EFCAB6: variants seen among roughly 807,000 people sequenced by gnomAD.
The protein encoded by EFCAB6 is EF-hand calcium binding domain 6, also known as EF-hand calcium-binding domain-containing protein 6.
Under a neutral mutation model 169.8 loss-of-function variants are expected in EFCAB6, and 156 were observed. The observed-to-expected ratio is 0.92, with a 90% CI of 0.81 to 1.05. The LOEUF is 1.05. Among genes scored for constraint, EFCAB6 ranks in the 50% least tolerant of loss-of-function variants. EFCAB6 has a pLI of 0.00. For synonymous variants in EFCAB6, 698 were observed against 676.4 expected, an observed-to-expected ratio of 1.03 and a Z score of -0.50; for missense variants, 1,800 against 1,829.1, an observed-to-expected ratio of 0.98 and a Z score of 0.29.
chr22:43,540,441 G>A (rs764486644), intron 27 of EFCAB6, 84 bp from the exon 28 acceptor site: 3 of 1,594,892 alleles, frequency 1.9e-6, no homozygotes, highest in South Asian at 2.2e-5. Flanking sequence ...AGTGGGACAG[G>A]CCGGCCTCGC....
intron 19 of EFCAB6, among the ~76,000 whole-genome samples, chr22:43,630,520 G>C (rs1228382948): frequency 6.6e-6 from 1 of 152,218 alleles, no homozygotes; most frequent in Admixed American, 6.5e-5. Context: ...CGCGAGGAGT[G>C]TGTGAGGAAG....
intron 21 of EFCAB6, among the ~76,000 whole-genome samples, chr22:43,612,388 T>C (rs1293678495): frequency 6.6e-6 from 1 of 152,142 alleles, no homozygotes; most frequent in Non-Finnish European, 1.5e-5. Context: ...ATTTGCAAAC[T>C]ATGCATCTAA....
chr22:43,793,001 C>T (rs969946790), intron 2 of EFCAB6, among the ~76,000 whole-genome samples: 5 of 152,122 alleles, frequency 3.3e-5, no homozygotes, highest in Non-Finnish European at 7.3e-5. Context: ...CAGAACCGTT[C>T]TCTTTATTTT....
intron 3 of EFCAB6, among the ~76,000 whole-genome samples, chr22:43,773,646 G>A (rs910967223): frequency 1.3e-5 from 2 of 152,162 alleles, no homozygotes; most frequent in Admixed American, 6.5e-5. Context: ...TCAGGAGTTC[G>A]AGACCAGCCT....
intron 17 of EFCAB6, among the ~76,000 whole-genome samples, chr22:43,648,142 T>C (rs1010906721): frequency 6.6e-6 from 1 of 152,080 alleles, no homozygotes; most frequent in South Asian, 2.1e-4. Flanking sequence ...GTATATGATA[T>C]ATATCCTCAT....
chr22:43,808,900 A>T (rs2063013456), intron 2 of EFCAB6, 95 bp downstream of exon 2: 1 of 150,956 alleles, frequency 6.6e-6, no homozygotes, highest in South Asian at 2.1e-4. Context: ...TAAATGAGCA[A>T]ACAAATGACT....
intron 26 of EFCAB6, among the ~76,000 whole-genome samples, chr22:43,565,533 C>A (rs894975381): frequency 6.6e-6 from 1 of 152,192 alleles, no homozygotes; most frequent in Non-Finnish European, 1.5e-5. Context: ...GGCTTTGTGG[C>A]CCTTGGTGAG....
chr22:43,734,894 T>C (rs936094741), intron 7 of EFCAB6, among the ~76,000 whole-genome samples: 4 of 152,190 alleles, frequency 2.6e-5, no homozygotes, highest in Non-Finnish European at 5.9e-5. Flanking sequence ...AGCAGCCACA[T>C]TGTCTTTATG....
chr22:43,529,871 T>C (rs1234274832), intron 31 of EFCAB6, among the ~76,000 whole-genome samples: 1 of 152,244 alleles, frequency 6.6e-6, no homozygotes, highest in Non-Finnish European at 1.5e-5. Flanking sequence ...CCCCATTATG[T>C]GAAGCTGAAA....
chr22:43,575,647 G>C (rs1043406803), intron 26 of EFCAB6, among the ~76,000 whole-genome samples: 1 of 151,842 alleles, frequency 6.6e-6, no homozygotes, highest in African/African-American at 2.4e-5. Flanking sequence ...CAACACAATA[G>C]TGTATTTTGT....
intron 8 of EFCAB6, among the ~76,000 whole-genome samples, chr22:43,720,161 A>G (rs2059470034): frequency 2.0e-5 from 1 of 49,026 alleles, no homozygotes; most frequent in South Asian, 1.3e-3. Flanking sequence ...TTATACCTCA[A>G]TAAAGATGAA....
chr22:43,774,182 A>G (rs2061565649), intron 3 of EFCAB6, among the ~76,000 whole-genome samples: 1 of 151,746 alleles, frequency 6.6e-6, no homozygotes, highest in Non-Finnish European at 1.5e-5. Context: ...GCTATTGCAC[A>G]TTTCTGGCAT....
chr22:43,662,481 G>A (rs913631479), intron 17 of EFCAB6, among the ~76,000 whole-genome samples: 1 of 152,056 alleles, frequency 6.6e-6, no homozygotes, highest in African/African-American at 2.4e-5. Flanking sequence ...TTTAAATGAT[G>A]AACAACAGCA....
chr22:43,754,354 C>A (rs984940519), intron 6 of EFCAB6, among the ~76,000 whole-genome samples: 1 of 152,188 alleles, frequency 6.6e-6, no homozygotes, highest in African/African-American at 2.4e-5. Flanking sequence ...GGATGGAAAC[C>A]CAGGTCTGCC....
chr22:43,780,613 C>T (rs1408404463), intron 3 of EFCAB6, among the ~76,000 whole-genome samples: 2 of 151,584 alleles, frequency 1.3e-5, no homozygotes, highest in Admixed American at 6.6e-5. Context: ...AGATTGTAGA[C>T]ATGGAGCTAT....
intron 17 of EFCAB6, among the ~76,000 whole-genome samples, chr22:43,666,674 T>C (rs2057262744): frequency 6.6e-6 from 1 of 150,856 alleles, no homozygotes; most frequent in South Asian, 2.1e-4. Flanking sequence ...GAGTTTCCCA[T>C]ATTTCACTGC....
intron 26 of EFCAB6, among the ~76,000 whole-genome samples, chr22:43,561,356 C>CA (rs768942774): frequency 0.015 from 1,712 of 112,042 alleles, 15 homozygotes; most frequent in Non-Finnish European, 0.021. Context: ...GACTCTGTCT[C>CA]AAAAAAAAAA....
intron 2 of EFCAB6, among the ~76,000 whole-genome samples, chr22:43,799,483 T>C (rs6006548): frequency 0.3 from 45,851 of 152,098 alleles, 7,288 homozygotes; most frequent in Middle Eastern, 0.38. Flanking sequence ...ATATTGACTT[T>C]AGTTAAATTG....
chr22:43,608,508 T>C lies in EFCAB6; in HGVS notation c.2655A>G (p.Pro885=). 1 of 1,614,184 alleles carries C rather than the reference T, an allele frequency of 6.2e-7. No homozygotes were observed. Residue 885 remains proline (P), a synonymous_variant, in exon 22 of 32, where the codon CCA becomes CCG. Coordinates refer to ENST00000262726, the MANE Select transcript of EFCAB6 (RefSeq NM_022785.4). ...ALYGFDIPLT[P]REFEKLWARY... is the part of the protein sequence containing the mutation. ...TTGCCCAAAGCTTTTCAAACTCTCT[T>C]GGTGTGAGGGGAATATCAAAACCGT...
Sources: gnomAD v4.1 joint callset for allele counts (sites outside exome capture counted in the v4.1 genomes callset) on GRCh38, gnomAD v4.1.1 for gene constraint, MANE v1.5 for transcripts, NCBI Gene and HGNC (gene_info 2026-07-23, HGNC 2026-07-21) for gene names.